The following MAGI2 variants were observed in gnomAD, a reference collection of about 807,000 sequenced individuals.
MAGI2 encodes the protein membrane-associated guanylate kinase, WW and PDZ domain-containing protein 2.
Under a neutral mutation model 133.3 loss-of-function variants are expected in MAGI2, and 35 were observed. The observed-to-expected ratio is 0.26, with a 90% CI of 0.20 to 0.35. The LOEUF (loss-of-function observed/expected upper bound fraction) is 0.35, where lower values mean the gene tolerates loss of function less well. Ranked by LOEUF, MAGI2 falls within the 10% of genes least tolerant of loss-of-function variation. The pLI is 1.00. For synonymous variants in MAGI2, 729 were observed against 710.6 expected (o/e 1.03, Z -0.41); for missense variants, 1,636 against 1,863.4 (o/e 0.88, Z 2.25).
intron 1 of MAGI2, among the ~76,000 whole-genome samples, chr7:79,403,271 T>C (rs1845591726): frequency 6.6e-6 from 1 of 152,206 alleles, no homozygotes. Context: ...TTTCTCTCTA[T>C]GTCAAGTTTA....
intron 3 of MAGI2, chr7:78,615,808 G>C (rs961279955): frequency 6.6e-6 from 1 of 151,894 alleles, no homozygotes; most frequent in African/African-American, 2.4e-5. Context: ...GTGTTAATTT[G>C]GGTTACTATT....
At chr7:78,539,435 T>G (rs962083274) in intron 3 of MAGI2, among the ~76,000 whole-genome samples, 16 of 152,180 alleles carry the variant, frequency 1.1e-4, no homozygotes, top group Non-Finnish European at 1.5e-4. Flanking sequence ...GTTGAGAATT[T>G]TTGTATCTAT....
intron 2 of MAGI2, among the ~76,000 whole-genome samples, chr7:78,777,264 G>T (rs1207897): frequency 0.32 from 49,123 of 152,108 alleles, 8,113 homozygotes; most frequent in South Asian, 0.47. Context: ...ATACAGCACA[G>T]TGTCAAAGAG....
At chr7:78,951,300 T>C (rs1295434665) in intron 2 of MAGI2, among the ~76,000 whole-genome samples, 2 of 152,132 alleles carry the variant, frequency 1.3e-5, no homozygotes, top group African/African-American at 4.8e-5. Context: ...AGTTGCTGTA[T>C]TAGTCTGTTC....
intron 1 of MAGI2, among the ~76,000 whole-genome samples, chr7:79,157,895 T>A (rs1332810074): frequency 1.3e-5 from 2 of 149,150 alleles, no homozygotes; most frequent in African/African-American, 5.0e-5. Context: ...TTTGTATTTA[T>A]GTCATGGCTA....
intron 5 of MAGI2, among the ~76,000 whole-genome samples, chr7:78,501,001 C>T (rs1794572525): frequency 6.6e-6 from 1 of 152,122 alleles, no homozygotes; most frequent in Non-Finnish European, 1.5e-5. Context: ...GGCGGGAGGA[C>T]TGCTTAAGCC....
intron 1 of MAGI2, among the ~76,000 whole-genome samples, chr7:79,156,622 C>T (rs184297222): frequency 6.6e-6 from 1 of 152,152 alleles, no homozygotes; most frequent in East Asian, 1.9e-4. Context: ...CAAATTGCCC[C>T]ACCTTTCTGG....
chr7:78,324,167 CT>C (rs373485483), intron 9 of MAGI2, among the ~76,000 whole-genome samples: 2,606 of 113,202 alleles, frequency 0.023, 45 homozygotes, highest in African/African-American at 0.049. Context: ...CTACACTACA[CT>C]ACACACTACA....
chr7:79,176,423 T>C (rs1174400860), intron 1 of MAGI2, among the ~76,000 whole-genome samples: 3 of 152,054 alleles, frequency 2.0e-5, no homozygotes, highest in African/African-American at 7.3e-5. Flanking sequence ...ACAGTATTTC[T>C]TCTCTTCTTT....
At chr7:78,882,973 T>G (rs1424180688) in intron 2 of MAGI2, among the ~76,000 whole-genome samples, 1 of 152,126 alleles carries the variant, frequency 6.6e-6, no homozygotes, top group Non-Finnish European at 1.5e-5. Flanking sequence ...CTCTCACTAC[T>G]TCTATTCAAT....
chr7:78,699,459 T>C (rs1817843990), intron 2 of MAGI2, among the ~76,000 whole-genome samples: 1 of 152,198 alleles, frequency 6.6e-6, no homozygotes, highest in Non-Finnish European at 1.5e-5. Context: ...ACCTTCAGGC[T>C]ATGTATGTAA....
intron 9 of MAGI2, among the ~76,000 whole-genome samples, chr7:78,305,566 C>G (rs951517586): frequency 3.9e-5 from 6 of 152,270 alleles, no homozygotes; most frequent in African/African-American, 1.4e-4. Flanking sequence ...CAAAGTAACT[C>G]AAGATCCTTA....
chr7:79,327,593 G>C lies in MAGI2; in HGVS notation c.301+125427C>G, dbSNP rs148621381. Reference sequence around the variant, plus strand: ...AATGATACAAAGGCAAACCACAACTGTCAGTTGCAGTCAAAGAGTTTTTTC... The same window carrying C: ...AATGATACAAAGGCAAACCACAACTCTCAGTTGCAGTCAAAGAGTTTTTTC... On this transcript the variant is annotated intron_variant, in intron 1 of 21. Transcript: ENST00000354212. Among the ~76,000 whole-genome samples, 242 of 152,244 alleles carry C rather than the reference G, an allele frequency of 1.6e-3. 1 individual carries two copies. Among genetic ancestry groups the C allele is most frequent in the African/African-American group, 5.3e-3 (221 of 41,546 alleles).
intron 1 of MAGI2, among the ~76,000 whole-genome samples, chr7:79,217,907 A>G (rs1465265885): frequency 6.6e-6 from 1 of 151,934 alleles, no homozygotes; most frequent in East Asian, 1.9e-4. Flanking sequence ...AATATGATAA[A>G]TTTTCTTCTG....
At chr7:79,037,269 A>G (rs1469533607) in intron 1 of MAGI2, among the ~76,000 whole-genome samples, 1 of 152,198 alleles carries the variant, frequency 6.6e-6, no homozygotes, top group African/African-American at 2.4e-5. Flanking sequence ...GTGTAAAACC[A>G]AATTTAGAAG....
chr7:78,646,248 G>A (rs1383372493), intron 2 of MAGI2, among the ~76,000 whole-genome samples: 1 of 151,960 alleles, frequency 6.6e-6, no homozygotes, highest in Non-Finnish European at 1.5e-5. Flanking sequence ...AAATCTGAGT[G>A]GAATACACTC....
intron 1 of MAGI2, among the ~76,000 whole-genome samples, chr7:79,140,414 A>G (rs1178364782): frequency 6.6e-6 from 1 of 152,220 alleles, no homozygotes; most frequent in African/African-American, 2.4e-5. Context: ...CCCATTATTA[A>G]TAGGCCTCAG....
At chr7:78,874,692 A>G (rs540433773) in intron 2 of MAGI2, among the ~76,000 whole-genome samples, 1 of 152,288 alleles carries the variant, frequency 6.6e-6, no homozygotes, top group African/African-American at 2.4e-5. Flanking sequence ...ATAGTTAGAT[A>G]AGAGGAATAA....
At chr7:79,202,144 G>A (rs1828664019) in intron 1 of MAGI2, among the ~76,000 whole-genome samples, 1 of 151,974 alleles carries the variant, frequency 6.6e-6, no homozygotes, top group Admixed American at 6.6e-5. Flanking sequence ...AATGCTAAGT[G>A]TAACGCTGTA....
Sources: gnomAD v4.1 joint callset for allele counts (sites outside exome capture counted in the v4.1 genomes callset) on GRCh38, gnomAD v4.1.1 for gene constraint, MANE v1.5 for transcripts, NCBI Gene and HGNC (gene_info 2026-07-23, HGNC 2026-07-21) for gene names.